Variants in NR2F1 observed in about 807,000 individuals in gnomAD.
NR2F1 encodes COUP transcription factor 1.
Under a neutral mutation model 37.7 loss-of-function variants are expected in NR2F1, and 1 was observed. That is an observed-to-expected ratio of 0.03 (90% CI 0.01 to 0.13). NR2F1 has a LOEUF of 0.13. Ranked by LOEUF, NR2F1 falls within the 10% of genes least tolerant of loss-of-function variation. The probability of loss-of-function intolerance (pLI) is 1.00; values close to 1 mark genes in which losing one functional copy is unlikely to be tolerated. For missense variants in NR2F1, 268 were observed against 578.4 expected, an observed-to-expected ratio of 0.46 and a Z score of 5.50; for synonymous variants, 275 against 259.6, an observed-to-expected ratio of 1.06 and a Z score of -0.57.
rs1396798459 is a variant in NR2F1 at position 93,584,911 on chromosome 5, C to T, written c.-113C>T. ...ACCCCGGGGCGCCCGGCGGGCCCCC[C>T]GCCCCCTCCCCCTCCCCCCTTCCCC... On this transcript the variant is annotated 5_prime_UTR_variant, in exon 1 of 3. Transcript: ENST00000327111. The T allele has an allele frequency of 7.0e-6, 1 of 142,928 alleles. No homozygotes were observed. Among genetic ancestry groups the T allele is most frequent in the Non-Finnish European group, 1.6e-5 (1 of 64,292 alleles). 8.9% of individuals were successfully genotyped at this position (142,928 alleles called of 1,614,324 possible).
In NR2F1 at chr5:93,593,719, C is replaced by G. The variant is rs144876856; in HGVS notation, c.1149C>G (p.Ser383=). The change falls in exon 3 of 3, where the codon TCC becomes TCG. Residue 383 remains serine, a synonymous_variant. Coordinates refer to ENST00000327111, the MANE Select transcript of NR2F1 (RefSeq NM_005654.6). This position sits in a 1 kb window ranked among gnomAD's most constrained non-coding sequence, Gnocchi z 5.6. ...RLPSLRTVSS[S]VIEQLFFVRL... is the part of the protein sequence containing the mutation. The stretch of plus-strand genomic sequence containing the variant: ...CCTCGCTGCGCACCGTGTCCTCCTC[C>G]GTCATCGAGCAGCTCTTCTTCGTCC... 5.6e-6 allele frequency: 9 copies of G among 1,614,104 alleles called. No homozygotes were observed. The South Asian group carries it at 7.7e-5, about 14-fold the overall frequency.
At position 93,585,473 on chromosome 5, in the gene NR2F1, C is replaced by T; in HGVS notation, c.450C>T (p.Gly150=). Reference sequence around the variant, plus strand: ...GCCTCAAGAAGTGCCTCAAAGTGGGCATGAGGCGGGAAGGTGAATATTTCT... The same window carrying T: ...GCCTCAAGAAGTGCCTCAAAGTGGGTATGAGGCGGGAAGGTGAATATTTCT... ...YCRLKKCLKV[G]MRREAVQRGR... Residue 150 remains glycine (G), a synonymous_variant, in exon 1 of 3, where the codon GGC becomes GGT. Coordinates refer to ENST00000327111, the MANE Select transcript of NR2F1 (RefSeq NM_005654.6). The T allele has an allele frequency of 6.2e-7, 1 of 1,611,804 alleles. No homozygotes were observed. The highest frequency in any genetic ancestry group is 8.5e-7 in the Non-Finnish European group (1 of 1,178,116).
At chr5:93,586,462 TGG>T (rs1197963355) in intron 1 of NR2F1, among the ~76,000 whole-genome samples, 1 of 152,226 alleles carries the variant, frequency 6.6e-6, no homozygotes, top group Non-Finnish European at 1.5e-5. Context: ...CATGTTCATG[TGG>T]CAAGAGATGC....
In NR2F1 at chr5:93,588,431, G is replaced by T; in HGVS notation, c.978G>T (p.Val326=). Residue 326 remains valine, a synonymous_variant, in exon 2 of 3, where the codon GTG becomes GTT. Transcript: ENST00000327111. ...SAEYSCLKAI[V]LFTSDACGLS... is the part of the protein sequence containing the mutation. ...AGTACAGCTGCCTCAAAGCCATCGT[G>T]CTGTTCACGTCAGGTGAGGCTGCGG... The T allele has an allele frequency of 6.2e-7, 1 of 1,605,996 alleles. No homozygotes were observed. Among genetic ancestry groups the T allele is most frequent in the East Asian group, 2.2e-5 (1 of 44,668 alleles).
intron 2 of NR2F1, among the ~76,000 whole-genome samples, chr5:93,591,764 A>T (rs1753335093): frequency 1.3e-5 from 2 of 152,166 alleles, no homozygotes; most frequent in South Asian, 4.1e-4. Flanking sequence ...ATCCATAAGC[A>T]TGCAGGCAGA....
intron 2 of NR2F1, chr5:93,592,198 A>G (rs892459858): frequency 6.6e-6 from 1 of 152,206 alleles, no homozygotes; most frequent in African/African-American, 2.4e-5. Context: ...TTTCACTTTG[A>G]ATCATTTGTT....
chr5:93,586,752 T>C (rs1286923518), intron 1 of NR2F1, among the ~76,000 whole-genome samples: 1 of 152,032 alleles, frequency 6.6e-6, no homozygotes, highest in Non-Finnish European at 1.5e-5. Flanking sequence ...AATTGTACTC[T>C]CACTTAATTG....
intron 2 of NR2F1, among the ~76,000 whole-genome samples, chr5:93,591,207 C>T (rs770803050): frequency 3.7e-4 from 57 of 152,186 alleles, no homozygotes; most frequent in Non-Finnish European, 5.9e-4. Flanking sequence ...TTGACACTAC[C>T]GTATAAAAAG....
In NR2F1 at chr5:93,586,410, T is replaced by TA. The variant is rs34632264; in HGVS notation, c.463+933dup. Among the ~76,000 whole-genome samples, 846 of 151,248 alleles carry TA rather than the reference T, an allele frequency of 5.6e-3. 4 individuals carry two copies. Among genetic ancestry groups the TA allele is most frequent in the Admixed American group, 0.013 (190 of 15,186 alleles). On this transcript the variant is annotated intron_variant, in intron 1 of 2. Transcript: ENST00000327111. ...CTGTGTTGTATGGGTTTGTTTTTTT[T>TA]AAAAAAAAACACAACTTTTGATGTT...
chr5:93,594,600 A>G lies in NR2F1; in HGVS notation c.*758A>G, dbSNP rs938219578. On this transcript the variant is annotated 3_prime_UTR_variant, in exon 3 of 3. Coordinates refer to ENST00000327111, the MANE Select transcript of NR2F1 (RefSeq NM_005654.6). The stretch of plus-strand genomic sequence containing the variant: ...GTGAAAATTTAAACAAAAATAAAAG[A>G]ATTTAGCAAAACCCATGTGTCTGGT... 1 of 152,216 alleles carries G rather than the reference A, an allele frequency of 6.6e-6. No individual in the cohort carries two copies. The highest frequency in any genetic ancestry group is 2.4e-5 in the African/African-American group (1 of 41,444). The allele number at this position is 152,216 out of a possible 1,614,324, so 9.4% of individuals were successfully genotyped here.
intron 2 of NR2F1, among the ~76,000 whole-genome samples, chr5:93,592,985 C>A (rs376890332): frequency 6.6e-6 from 1 of 152,094 alleles, no homozygotes. Context: ...TTCCTTACCC[C>A]CTCCCATGTG....
Position 93,585,443 on chromosome 5 carries a change from C to T in NR2F1, c.420C>T (p.Tyr140=). 7 of 1,614,012 alleles carry T rather than the reference C, an allele frequency of 4.3e-6. No homozygotes were observed. Among genetic ancestry groups the T allele is most frequent in the Non-Finnish European group, 5.9e-6 (7 of 1,179,936 alleles). Residue 140 remains tyrosine (Y), a synonymous_variant, in exon 1 of 3, where the codon TAC becomes TAT. Coordinates refer to ENST00000327111, the MANE Select transcript of NR2F1 (RefSeq NM_005654.6). ...AGCACCACCGCAACCAGTGCCAATA[C>T]TGCCGCCTCAAGAAGTGCCTCAAAG... ...IDQHHRNQCQ[Y]CRLKKCLKVG...
chr5:93,585,537 C>CTCTT (rs781336309), intron 1 of NR2F1, 51 bp downstream of exon 1: 1 of 1,461,814 alleles, frequency 6.8e-7, no homozygotes. Flanking sequence ...GCCTCCCTGG[C>CTCTT]TCTTTCTTTC....
chr5:93,594,552 G>A lies in NR2F1; in HGVS notation c.*710G>A, dbSNP rs1753390327. Reference sequence around the variant, plus strand: ...GAGTGCGATATATGTTGTCGAGGCTGTTCTTCAAGAATTAAAATTGAAGTG... The same window carrying A: ...GAGTGCGATATATGTTGTCGAGGCTATTCTTCAAGAATTAAAATTGAAGTG... On this transcript the variant is annotated 3_prime_UTR_variant, in exon 3 of 3. Coordinates refer to ENST00000327111, the MANE Select transcript of NR2F1 (RefSeq NM_005654.6). 2 of 152,126 alleles carry A rather than the reference G, an allele frequency of 1.3e-5. No individual in the cohort carries two copies. The highest frequency in any genetic ancestry group is 2.1e-4 in the South Asian group (1 of 4,826). 9.4% of individuals were successfully genotyped at this position (152,126 alleles called of 1,614,324 possible). A position where few individuals can be genotyped will look rare whatever the true frequency, so the allele number is the denominator to read the frequency against.
chr5:93,587,036 AT>A (rs1313785619), intron 1 of NR2F1: 17 of 138,270 alleles, frequency 1.2e-4, no homozygotes, highest in Admixed American at 3.8e-4. Flanking sequence ...AAACATACAC[AT>A]TTAAAAAAAA....
In NR2F1 at chr5:93,588,354, A is replaced by G. The variant is rs767837139; in HGVS notation, c.901A>G (p.Ile301Val). 3.1e-6 allele frequency: 5 copies of G among 1,613,114 alleles called. No individual in the cohort carries two copies. Among genetic ancestry groups the G allele is most frequent in the Non-Finnish European group, 4.2e-6 (5 of 1,179,856 alleles). Residue 301 changes from isoleucine (I) to valine (V), a missense_variant, in exon 2 of 3, where the codon ATC (isoleucine) becomes GTC (valine). Physicochemically the swap from Ile to Val is conservative, Grantham distance 29. Transcript: ENST00000327111. ...CGTGGCCTTCATGGACCACATCCGC[A>G]TCTTCCAGGAGCAGGTGGAGAAGCT... ...RVVAFMDHIR[I>V]FQEQVEKLKA...
chr5:93,588,277 C>A lies in NR2F1; in HGVS notation c.824C>A (p.Pro275Gln). Residue 275 changes from proline (P) to glutamine (Q), a missense_variant, in exon 2 of 3, where the codon CCG becomes CAG. By Grantham distance (76) the Pro-to-Gln change is moderately conservative. Coordinates refer to ENST00000327111, the MANE Select transcript of NR2F1 (RefSeq NM_005654.6). Reference sequence around the variant, plus strand: ...TGCTCTATGCCGCTGCACGTGGCGCCGTTGCTGGCCGCCGCCGGCCTGCAT... The same window carrying A: ...TGCTCTATGCCGCTGCACGTGGCGCAGTTGCTGGCCGCCGCCGGCCTGCAT... ...AQCSMPLHVAPLLAAAGLHAS... is the reference protein window; with the variant it reads ...AQCSMPLHVAQLLAAAGLHAS... 6.2e-7 allele frequency: 1 copy of A among 1,613,154 alleles called. No homozygotes were observed. The highest frequency in any genetic ancestry group is 8.5e-7 in the Non-Finnish European group (1 of 1,179,794).
chr5:93,585,616 C>T (rs985859925), intron 1 of NR2F1, 130 bp downstream of exon 1: 4 of 740,334 alleles, frequency 5.4e-6, no homozygotes, highest in African/African-American at 1.8e-5. Flanking sequence ...AGCTTTCCTT[C>T]TCCCGGCTGC....
intron 2 of NR2F1, among the ~76,000 whole-genome samples, chr5:93,589,239 C>A (rs1753290369): frequency 6.6e-6 from 1 of 152,300 alleles, no homozygotes; most frequent in South Asian, 2.1e-4. Flanking sequence ...TAAAAAATAT[C>A]AAATTATGTG....
Sources: gnomAD v4.1 joint callset for allele counts (sites outside exome capture counted in the v4.1 genomes callset) on GRCh38, gnomAD v4.1.1 for gene constraint, Gnocchi (gnomAD v3.1) non-coding constraint, MANE v1.5 for transcripts, NCBI Gene and HGNC (gene_info 2026-07-23, HGNC 2026-07-21) for gene names.